FHIT: variants seen among roughly 807,000 people sequenced by gnomAD.
FHIT encodes bis(5'-adenosyl)-triphosphatase.
FHIT carries 19 observed loss-of-function variants against 17.9 expected under a neutral mutation model. That is an observed-to-expected ratio of 1.06 (90% CI 0.74 to 1.56). FHIT has a LOEUF of 1.56. Ranked by LOEUF, FHIT falls within the 40% of genes most tolerant of loss-of-function variation. The pLI is 0.00. For missense variants in FHIT, 248 were observed against 189.2 expected (o/e 1.31, Z -1.82); for synonymous variants, 81 against 69.7 (o/e 1.16, Z -0.81).
intron 4 of FHIT, among the ~76,000 whole-genome samples, chr3:60,783,406 C>T (rs1419043896): frequency 2.6e-5 from 4 of 152,182 alleles, no homozygotes; most frequent in African/African-American, 7.2e-5. Flanking sequence ...TTACATGCTA[C>T]AGATGCCCAC....
intron 5 of FHIT, among the ~76,000 whole-genome samples, chr3:60,213,667 C>T (rs1227557403): frequency 6.6e-5 from 10 of 152,290 alleles, no homozygotes; most frequent in Middle Eastern, 3.4e-3. Flanking sequence ...ATAACATCTC[C>T]TAAATATATG....
intron 7 of FHIT, among the ~76,000 whole-genome samples, chr3:59,932,011 A>G (rs1211631640): frequency 6.6e-6 from 1 of 152,200 alleles, no homozygotes; most frequent in African/African-American, 2.4e-5. Flanking sequence ...GATGCTATAT[A>G]AAGTGTCACT....
chr3:61,157,488 G>A (rs1270573600), intron 2 of FHIT, among the ~76,000 whole-genome samples: 1 of 152,168 alleles, frequency 6.6e-6, no homozygotes, highest in Non-Finnish European at 1.5e-5. Flanking sequence ...CTGTAGCAAA[G>A]GAGAAAGTAC....
chr3:60,491,419 G>GAA (rs148375821), intron 5 of FHIT, among the ~76,000 whole-genome samples: 11 of 145,190 alleles, frequency 7.6e-5, no homozygotes, highest in African/African-American at 2.3e-4. Flanking sequence ...TAAACTGGGT[G>GAA]AAAAAAAAAA....
chr3:60,161,742 T>C (rs1394384248), intron 5 of FHIT, among the ~76,000 whole-genome samples: 1 of 152,082 alleles, frequency 6.6e-6, no homozygotes, highest in Non-Finnish European at 1.5e-5. Context: ...TGTGTGCCTC[T>C]ATGTCTACTA....
intron 5 of FHIT, among the ~76,000 whole-genome samples, chr3:60,436,396 TTGAG>T (rs1374667771): frequency 6.6e-6 from 1 of 152,186 alleles, no homozygotes; most frequent in Admixed American, 6.6e-5. Flanking sequence ...GGCATTCAGA[TTGAG>T]TAACTTTTAT....
intron 5 of FHIT, among the ~76,000 whole-genome samples, chr3:60,160,975 C>T (rs1700914603): frequency 6.6e-6 from 1 of 152,026 alleles, no homozygotes; most frequent in South Asian, 2.1e-4. Flanking sequence ...GACGATTATG[C>T]AATCCATATT....
At chr3:60,514,149 C>G (rs1218611991) in intron 5 of FHIT, among the ~76,000 whole-genome samples, 4 of 152,206 alleles carry the variant, frequency 2.6e-5, no homozygotes, top group African/African-American at 9.6e-5. Context: ...CTGATTCTTC[C>G]TGGATGCCAG....
At chr3:61,147,454 G>A (rs1352969805) in intron 2 of FHIT, among the ~76,000 whole-genome samples, 1 of 151,936 alleles carries the variant, frequency 6.6e-6, no homozygotes, top group East Asian at 1.9e-4. Flanking sequence ...ACTATAAGGT[G>A]AGTCAGAGTG....
At chr3:60,701,818 GT>G (rs1237461535) in intron 4 of FHIT, among the ~76,000 whole-genome samples, 1 of 152,160 alleles carries the variant, frequency 6.6e-6, no homozygotes, top group Non-Finnish European at 1.5e-5. Context: ...AAGGGGGTTT[GT>G]TTTGGGAAAG....
At chr3:60,260,603 A>G (rs1161219611) in intron 5 of FHIT, among the ~76,000 whole-genome samples, 2 of 151,852 alleles carry the variant, frequency 1.3e-5, no homozygotes, top group African/African-American at 4.8e-5. Context: ...ATATTATGCT[A>G]TTTTTTTCTT....
chr3:59,775,432 T>C (rs492836), intron 8 of FHIT, among the ~76,000 whole-genome samples: 71,362 of 152,078 alleles, frequency 0.47, 17,741 homozygotes, highest in Middle Eastern at 0.59. Context: ...TTGGTTCTCC[T>C]GTGCATTTTA....
At chr3:60,438,185 C>T (rs1173338116) in intron 5 of FHIT, among the ~76,000 whole-genome samples, 1 of 152,034 alleles carries the variant, frequency 6.6e-6, no homozygotes, top group Non-Finnish European at 1.5e-5. Flanking sequence ...TAGGGAACTT[C>T]CCCTGGAGGG....
At chr3:60,791,852 G>C (rs1700788591) in intron 4 of FHIT, among the ~76,000 whole-genome samples, 2 of 152,176 alleles carry the variant, frequency 1.3e-5, no homozygotes, top group Non-Finnish European at 2.9e-5. Flanking sequence ...TGCTAACGTA[G>C]TCTATCAGTA....
intron 3 of FHIT, among the ~76,000 whole-genome samples, chr3:60,855,236 G>A (rs116156491): frequency 2.0e-5 from 3 of 152,070 alleles, no homozygotes; most frequent in Admixed American, 6.6e-5. Flanking sequence ...CAATCATGGC[G>A]ATACTATGTT....
chr3:60,263,064 A>G (rs1706384696), intron 5 of FHIT, among the ~76,000 whole-genome samples: 1 of 152,002 alleles, frequency 6.6e-6, no homozygotes, highest in Non-Finnish European at 1.5e-5. Context: ...CCAAAATGAC[A>G]TCGTACAAAA....
chr3:60,849,938 A>C (rs562059027), intron 3 of FHIT, among the ~76,000 whole-genome samples: 1 of 150,754 alleles, frequency 6.6e-6, no homozygotes, highest in African/African-American at 2.4e-5. Flanking sequence ...AGTTGAAAAA[A>C]CTCTAATCTC....
At chr3:60,089,640 C>T (rs1470351804) in intron 5 of FHIT, among the ~76,000 whole-genome samples, 4 of 152,256 alleles carry the variant, frequency 2.6e-5, no homozygotes, top group East Asian at 3.9e-4. Flanking sequence ...ACACCATTAG[C>T]GCTGCTCTAA....
intron 5 of FHIT, among the ~76,000 whole-genome samples, chr3:60,376,118 T>C (rs1032011949): frequency 1.3e-5 from 2 of 152,154 alleles, no homozygotes; most frequent in Non-Finnish European, 2.9e-5. Flanking sequence ...TGCAGTTACA[T>C]AGTGTTTAAA....
Sources: allele counts gnomAD v4.1 joint callset (sites outside exome capture counted in the v4.1 genomes callset), GRCh38; gene constraint gnomAD v4.1.1; transcripts MANE v1.5; gene names NCBI Gene and HGNC (gene_info 2026-07-23, HGNC 2026-07-21).